The following ZFHX4 variants were observed in gnomAD, a reference collection of about 807,000 sequenced individuals.
ZFHX4 encodes the protein zinc finger homeobox 4.
ZFHX4 carries 56 observed loss-of-function variants against 267.6 expected under a neutral mutation model. The observed-to-expected ratio is 0.21, with a 90% CI of 0.17 to 0.26. ZFHX4 has a LOEUF of 0.26. ZFHX4 is among the 10% of genes least tolerant of loss of function. The pLI is 1.00. For missense variants in ZFHX4, 4,332 were observed against 4,420.0 expected (o/e 0.98, Z 0.56); for synonymous variants, 1,778 against 1,665.6 (o/e 1.07, Z -1.64).
chr8:76,733,369 A>C (rs1044758238), intron 3 of ZFHX4: 2 of 152,306 alleles, frequency 1.3e-5, no homozygotes, highest in African/African-American at 2.4e-5. Context: ...CTGATCCCCC[A>C]CGTCTGTGCT....
chr8:76,741,745 C>G (rs1227504873), intron 3 of ZFHX4, among the ~76,000 whole-genome samples: 2 of 152,108 alleles, frequency 1.3e-5, no homozygotes, highest in African/African-American at 2.4e-5. Context: ...GTCTCTATTT[C>G]CAGAGTTTCC....
intron 3 of ZFHX4, among the ~76,000 whole-genome samples, chr8:76,773,112 G>T (rs1272880010): frequency 2.0e-5 from 3 of 152,148 alleles, no homozygotes; most frequent in Admixed American, 2.0e-4. Flanking sequence ...GCCATAGTGT[G>T]CACACTAATT....
intron 3 of ZFHX4, among the ~76,000 whole-genome samples, chr8:76,717,118 T>C (rs1312756565): frequency 6.6e-6 from 1 of 152,204 alleles, no homozygotes; most frequent in East Asian, 1.9e-4. Flanking sequence ...CCTGGTTTCC[T>C]TACAACTACT....
At chr8:76,783,446 C>T (rs1484292359) in intron 4 of ZFHX4, among the ~76,000 whole-genome samples, 2 of 151,950 alleles carry the variant, frequency 1.3e-5, no homozygotes, top group African/African-American at 4.8e-5. Context: ...TGAACATACA[C>T]TTTTGAAGAA....
At chr8:76,756,632 A>G (rs995587514) in intron 3 of ZFHX4, among the ~76,000 whole-genome samples, 2 of 151,996 alleles carry the variant, frequency 1.3e-5, no homozygotes, top group Admixed American at 6.6e-5. Flanking sequence ...ACTTTTCTCA[A>G]TCATTTCGTC....
At chr8:76,697,005 A>G (rs1375316077) in intron 1 of ZFHX4, among the ~76,000 whole-genome samples, 1 of 152,000 alleles carries the variant, frequency 6.6e-6, no homozygotes. Context: ...TTGCTGGTGT[A>G]CTTGACTTGT....
Position 76,778,723 on chromosome 8 carries a change from T to C in ZFHX4, c.3325+284T>C, listed in dbSNP as rs367886827. Among the ~76,000 whole-genome samples, 3 of 152,336 alleles carry C rather than the reference T, an allele frequency of 2.0e-5. No homozygotes were observed. The South Asian group carries it at 6.2e-4, about 32-fold the overall frequency. ...TTGGGAGGATCTCACAGTGAAATTT[T>C]TCCCCCCAGAGTGAGCTTTAATTTC... On this transcript the variant is annotated intron_variant, in intron 4 of 10. Coordinates refer to ENST00000651372, the MANE Select transcript of ZFHX4 (RefSeq NM_024721.5).
intron 4 of ZFHX4, among the ~76,000 whole-genome samples, chr8:76,811,642 T>C (rs2131845683): frequency 6.6e-6 from 1 of 152,324 alleles, no homozygotes; most frequent in Admixed American, 6.5e-5. Context: ...TATGCTGTCA[T>C]TGCCCTGCTT....
At chr8:76,833,228 C>T in intron 4 of ZFHX4, 110 bp from the exon 5 acceptor site, 1 of 768,910 alleles carries the variant, frequency 1.3e-6, no homozygotes, top group Non-Finnish European at 2.2e-6. Flanking sequence ...TGAGCTTCAC[C>T]TGATACTTAT....
rs377037427 is a variant in ZFHX4, at chr8:76,707,979, C to A, written c.3024C>A (p.Thr1008=). 8.1e-6 allele frequency: 13 copies of A among 1,613,852 alleles called. No homozygotes were observed. The highest frequency in any genetic ancestry group is 1.1e-5 in the Non-Finnish European group (13 of 1,179,912). The change falls in exon 3 of 11, where the codon ACC becomes ACA. Residue 1008 remains threonine (T), a synonymous_variant. Coordinates refer to ENST00000651372, the MANE Select transcript of ZFHX4 (RefSeq NM_024721.5). The part of the protein sequence containing the change: ...HLKCNACDYY[T]NSVDKLRLHT... ...AATGTAACGCCTGTGACTATTACAC[C>A]AACAGTGTGGATAAATTACGCTTGC...
chr8:76,799,950 G>A (rs1177045756), intron 4 of ZFHX4, among the ~76,000 whole-genome samples: 1 of 152,144 alleles, frequency 6.6e-6, no homozygotes, highest in Non-Finnish European at 1.5e-5. Flanking sequence ...TGAAAAGAAA[G>A]ATTAGTGTGT....
At chr8:76,783,469 G>A (rs941468756) in intron 4 of ZFHX4, among the ~76,000 whole-genome samples, 1 of 151,878 alleles carries the variant, frequency 6.6e-6, no homozygotes, top group Non-Finnish European at 1.5e-5. Flanking sequence ...ACAAACTCCA[G>A]TGTTGTTTTC....
intron 4 of ZFHX4, among the ~76,000 whole-genome samples, chr8:76,805,453 A>G (rs545301491): frequency 6.6e-6 from 1 of 152,116 alleles, no homozygotes; most frequent in Non-Finnish European, 1.5e-5. Flanking sequence ...TGAAGTTTCA[A>G]TCTATTACAT....
chr8:76,787,969 A>C (rs1810738338), intron 4 of ZFHX4, among the ~76,000 whole-genome samples: 1 of 152,144 alleles, frequency 6.6e-6, no homozygotes, highest in South Asian at 2.1e-4. Flanking sequence ...TTACACATCC[A>C]AGCCCAATTA....
At chr8:76,846,008 G>A (rs776916591) in intron 6 of ZFHX4, among the ~76,000 whole-genome samples, 1 of 151,964 alleles carries the variant, frequency 6.6e-6, no homozygotes, top group Admixed American at 6.6e-5. Context: ...AAATAAAGTG[G>A]CAGGCATAAA....
At position 76,852,516 on chromosome 8, in the gene ZFHX4, A is replaced by G. The variant is rs1417910543; in HGVS notation, c.5595A>G (p.Pro1865=). ...AGGCAGAAGATATTTCTGAAAAGCC[A>G]GAAAAACCAAAGCAGGAATTTATAA... The part of the protein sequence containing the change: ...YKEAEDISEK[P]EKPKQEFISE... The change falls in exon 10 of 11, where the codon CCA becomes CCG. Residue 1865 remains proline (P), a synonymous_variant. Coordinates refer to ENST00000651372, the MANE Select transcript of ZFHX4 (RefSeq NM_024721.5). The G allele has an allele frequency of 6.2e-7, 1 of 1,606,862 alleles. No individual in the cohort carries two copies. The highest frequency in any genetic ancestry group is 8.5e-7 in the Non-Finnish European group (1 of 1,176,452).
rs1222262198 is a variant in ZFHX4 at position 76,805,750 on chromosome 8, C to T, written c.3325+27311C>T. Among the ~76,000 whole-genome samples the T allele has an allele frequency of 3.3e-5, 5 of 152,038 alleles. No individual in the cohort carries two copies. The East Asian group carries it at 9.6e-4, about 29-fold the overall frequency. ...TTCTTCTACAAGAAGAACAATTTTA[C>T]ACCCTGTAGCACTAATTCCTGTAAT... On this transcript the variant is annotated intron_variant, in intron 4 of 10. Transcript: ENST00000651372.
Position 76,717,050 on chromosome 8 carries a change from A to G in ZFHX4, c.3093+9002A>G, listed in dbSNP as rs947699751. On this transcript the variant is annotated intron_variant, in intron 3 of 10. Coordinates refer to ENST00000651372, the MANE Select transcript of ZFHX4 (RefSeq NM_024721.5). ...TCCCTAAGCATTTAACTTACTACAC[A>G]AGAACAACTGAAGCACAATCTACTC... Among the ~76,000 whole-genome samples the G allele has an allele frequency of 7.2e-5, 11 of 152,282 alleles. No homozygotes were observed. The South Asian group carries it at 2.1e-3, about 29-fold the overall frequency.
chr8:76,691,026 G>A (rs1336261166), intron 1 of ZFHX4, among the ~76,000 whole-genome samples: 1 of 152,026 alleles, frequency 6.6e-6, no homozygotes, highest in Non-Finnish European at 1.5e-5. Context: ...TACCCAGCAA[G>A]GCAGGAAAAT....
Sources: allele counts gnomAD v4.1 joint callset (sites outside exome capture counted in the v4.1 genomes callset), GRCh38; gene constraint gnomAD v4.1.1; transcripts MANE v1.5; gene names NCBI Gene and HGNC (gene_info 2026-07-23, HGNC 2026-07-21).